NDE1: variants seen among roughly 807,000 people sequenced by gnomAD.
NDE1 encodes nuclear distribution protein nudE homolog 1.
In NDE1, 28 loss-of-function variants were observed where a neutral mutation model predicts 43.4. The ratio of observed to expected loss-of-function variants is 0.65; its 90% CI spans 0.48 to 0.89. The LOEUF is 0.89. Among genes scored for constraint, NDE1 ranks in the 40% least tolerant of loss-of-function variants. NDE1 has a pLI of 0.00. For missense variants in NDE1, 441 were observed against 434.1 expected (o/e 1.02, Z -0.14); for synonymous variants, 184 against 172.0 (o/e 1.07, Z -0.55).
In NDE1 at chr16:15,725,537, C is replaced by T. The variant is rs2040711111; in HGVS notation, c.*1286C>T. On this transcript the variant is annotated 3_prime_UTR_variant, in exon 9 of 9. Coordinates refer to ENST00000396354, the MANE Select transcript of NDE1 (RefSeq NM_017668.3). Reference sequence around the variant, plus strand: ...CTCTGTATTCTCTGGCTTTTACTCCCTAGTGTCTCTGCATAAGTCCCTTTG... The same window carrying T: ...CTCTGTATTCTCTGGCTTTTACTCCTTAGTGTCTCTGCATAAGTCCCTTTG... 2.4e-6 allele frequency: 1 copy of T among 415,596 alleles called. No individual in the cohort carries two copies. Among genetic ancestry groups the T allele is most frequent in the South Asian group, 9.9e-5 (1 of 10,070 alleles). 25.7% of individuals were successfully genotyped at this position (415,596 alleles called of 1,614,324 possible).
In NDE1 at chr16:15,694,191, C is replaced by T. The variant is rs757803324; in HGVS notation, c.730C>T (p.Pro244Ser). 1.2e-6 allele frequency: 2 copies of T among 1,612,964 alleles called. No homozygotes were observed. The highest frequency in any genetic ancestry group is 1.1e-5 in the South Asian group (1 of 91,024). ...RGLDDSTGGT[P>S]LTPAARISAL... The stretch of plus-strand genomic sequence containing the variant: ...CCTGGACGACTCCACCGGGGGGACC[C>T]CCCTCACACCTGCGGCCCGGATATC... The change falls in exon 7 of 9, where the codon CCC (proline) becomes TCC (serine). Residue 244 changes from proline (P) to serine (S), a missense_variant. Coordinates refer to ENST00000396354, the MANE Select transcript of NDE1 (RefSeq NM_017668.3).
intron 3 of NDE1, among the ~76,000 whole-genome samples, chr16:15,668,691 G>A (rs2037438710): frequency 6.6e-6 from 1 of 152,214 alleles, no homozygotes. Context: ...CTCAGTCACA[G>A]TAGCCACATT....
chr16:15,717,485 G>A, intron 8 of NDE1: 1 of 848,110 alleles, frequency 1.2e-6, no homozygotes, highest in Non-Finnish European at 1.9e-6. Context: ...CCTTCATCCT[G>A]TAAAACTCCA....
chr16:15,643,736 G>A (rs1461531459), exon 1 of NDE1: 1 of 214,700 alleles, frequency 4.7e-6, no homozygotes, highest in Non-Finnish European at 9.4e-6. Flanking sequence ...CGGAGTTCTC[G>A]CAAAGTTGCG....
chr16:15,661,772 T>A (rs979151561), intron 1 of NDE1, among the ~76,000 whole-genome samples: 2 of 152,078 alleles, frequency 1.3e-5, no homozygotes, highest in African/African-American at 4.8e-5. Flanking sequence ...TCTCTGGTGA[T>A]GGGGATGGTG....
At chr16:15,718,192 C>T in intron 8 of NDE1, 1 of 1,507,820 alleles carries the variant, frequency 6.6e-7, no homozygotes. Context: ...GGCCCCACCA[C>T]CCTCTTGTCC....
In NDE1 at chr16:15,691,188, A is replaced by G. The variant is rs2038731014; in HGVS notation, c.568A>G (p.Arg190Gly). 2 of 1,614,162 alleles carry G rather than the reference A, an allele frequency of 1.2e-6. No homozygotes were observed. The highest frequency in any genetic ancestry group is 1.7e-6 in the Non-Finnish European group (2 of 1,180,026). Residue 190 changes from arginine (R) to glycine (G), a missense_variant, in exon 6 of 9, where the codon AGG becomes GGG. By Grantham distance (125) the Arg-to-Gly change is moderately radical. Coordinates refer to ENST00000396354, the MANE Select transcript of NDE1 (RefSeq NM_017668.3). Reference protein sequence around the residue: ...LAVQQKQEKPRTPMPSSVEAE... With the variant: ...LAVQQKQEKPGTPMPSSVEAE... ...CGTGCAGCAGAAGCAGGAGAAACCC[A>G]GGACCCCCATGCCCAGCTCAGTGGA...
Position 15,687,567 on chromosome 16 carries a change from A to G in NDE1, c.523+56A>G, listed in dbSNP as rs899651002. The G allele has an allele frequency of 3.4e-6, 5 of 1,475,596 alleles. No homozygotes were observed. The African/African-American group carries it at 7.0e-5, about 21-fold the overall frequency. 91.4% of individuals were successfully genotyped at this position (1,475,596 alleles called of 1,614,324 possible). A position where few individuals can be genotyped will look rare whatever the true frequency, so the allele number is the denominator to read the frequency against. ...GGTCCCCTCTCCCTACCTGAGCAAC[A>G]TCTTGTCCCACAAGCTCTCCCAGCA... On this transcript the variant is annotated intron_variant, in intron 5 of 8. Coordinates refer to ENST00000396354, the MANE Select transcript of NDE1 (RefSeq NM_017668.3).
intron 1 of NDE1, among the ~76,000 whole-genome samples, chr16:15,654,019 C>T (rs1021540049): frequency 1.3e-5 from 2 of 152,072 alleles, no homozygotes; most frequent in African/African-American, 2.4e-5. Context: ...GCATGAGCCA[C>T]CACACCCGGC....
At chr16:15,688,937 A>G (rs995112715) in intron 5 of NDE1, among the ~76,000 whole-genome samples, 4 of 151,836 alleles carry the variant, frequency 2.6e-5, no homozygotes, top group African/African-American at 9.7e-5. Flanking sequence ...ACCCCAGGCG[A>G]TCTGCCTGCC....
intron 6 of NDE1, among the ~76,000 whole-genome samples, chr16:15,692,184 C>G (rs913236352): frequency 6.6e-6 from 1 of 152,216 alleles, no homozygotes; most frequent in Non-Finnish European, 1.5e-5. Context: ...TGCTGGCCAG[C>G]CTGCAGCCTT....
chr16:15,658,525 T>G (rs1210320501), intron 1 of NDE1, among the ~76,000 whole-genome samples: 1 of 152,236 alleles, frequency 6.6e-6, no homozygotes, highest in African/African-American at 2.4e-5. Flanking sequence ...CAGATCCCTC[T>G]GAACTCATGA....
chr16:15,721,227 C>A, intron 8 of NDE1: 4 of 926,596 alleles, frequency 4.3e-6, no homozygotes, highest in East Asian at 2.6e-5. Context: ...TATCCTCGGA[C>A]CCCCCAACTC....
At chr16:15,650,174 C>A, upstream of NDE1, 1 of 169,454 alleles carries the variant, frequency 5.9e-6, no homozygotes, top group Non-Finnish European at 1.2e-5. Flanking sequence ...GAGCAGCAGC[C>A]AATGGGAGGC....
At chr16:15,676,374 TA>T (rs2037881659) in intron 3 of NDE1, among the ~76,000 whole-genome samples, 2 of 151,996 alleles carry the variant, frequency 1.3e-5, no homozygotes, top group South Asian at 4.2e-4. Flanking sequence ...CACGCCTGGC[TA>T]ATTTTTTTGT....
intron 1 of NDE1, among the ~76,000 whole-genome samples, chr16:15,660,513 G>T (rs886214290): frequency 3.3e-5 from 5 of 152,072 alleles, no homozygotes. Flanking sequence ...CTGTGAAACA[G>T]CTCAAAGTCC....
rs185677029 is a variant in NDE1 at position 15,691,776 on chromosome 16, G to A, written c.703+453G>A. 3.2e-4 allele frequency among the ~76,000 whole-genome samples: 49 copies of A among 151,808 alleles called. No individual in the cohort carries two copies. The Middle Eastern group carries it at 0.01, about 32-fold the overall frequency. On this transcript the variant is annotated intron_variant, in intron 6 of 8. Coordinates refer to ENST00000396354, the MANE Select transcript of NDE1 (RefSeq NM_017668.3). ...CCACCTCATCCTCCGGAGTAGCTGG[G>A]ACTAAAGGCACCTGGCTAACTTTTG...
At chr16:15,686,452 A>G in intron 4 of NDE1, 1 of 985,426 alleles carries the variant, frequency 1.0e-6, no homozygotes, top group Non-Finnish European at 1.2e-6. Flanking sequence ...TGAGCAGGGC[A>G]GCTGGGCTGG....
chr16:15,676,532 A>G (rs547997797), intron 3 of NDE1, among the ~76,000 whole-genome samples: 25 of 151,958 alleles, frequency 1.6e-4, no homozygotes, highest in African/African-American at 5.8e-4. Flanking sequence ...TTTTTAAATA[A>G]CCTAGAGATC....
Sources: gnomAD v4.1 joint callset for allele counts (sites outside exome capture counted in the v4.1 genomes callset) on GRCh38, gnomAD v4.1.1 for gene constraint, MANE v1.5 for transcripts, NCBI Gene and HGNC (gene_info 2026-07-23, HGNC 2026-07-21) for gene names.